Variants in DAPK1 observed in about 807,000 individuals in gnomAD.
DAPK1 encodes death-associated protein kinase 1.
A neutral mutation model predicts 144.9 loss-of-function variants in DAPK1; 56 were observed. The ratio of observed to expected loss-of-function variants is 0.39; its 90% confidence interval spans 0.31 to 0.48. DAPK1 has a LOEUF of 0.48. DAPK1 is among the 20% of genes least tolerant of loss of function. The probability of loss-of-function intolerance (pLI) is 0.95; values close to 1 mark genes in which losing one functional copy is unlikely to be tolerated. For synonymous variants in DAPK1, 690 were observed against 749.0 expected (o/e 0.92, Z 1.29); for missense variants, 1,454 against 1,875.4 (o/e 0.78, Z 4.15).
At chr9:87,536,979 T>C (rs945838400) in intron 2 of DAPK1, among the ~76,000 whole-genome samples, 1 of 151,850 alleles carries the variant, frequency 6.6e-6, no homozygotes, top group African/African-American at 2.4e-5. Context: ...ATTGGAGACA[T>C]GAAGTTTTCT....
At chr9:87,688,204 T>C (rs1223538611) in intron 21 of DAPK1, among the ~76,000 whole-genome samples, 1 of 152,112 alleles carries the variant, frequency 6.6e-6, no homozygotes, top group Non-Finnish European at 1.5e-5. Context: ...TGGTTTTCTG[T>C]TCCTGTGTTA....
At position 87,575,396 on chromosome 9, in the gene DAPK1, A is replaced by G. The variant is rs1010058498; in HGVS notation, c.63-29558A>G. Among the ~76,000 whole-genome samples, 3 of 152,318 alleles carry G rather than the reference A, an allele frequency of 2.0e-5. 1 individual carries two copies. Among genetic ancestry groups the G allele is most frequent in the Middle Eastern group, 6.8e-3 (2 of 294 alleles). ...TCACAATAACAATCACAGCAGGAGT[A>G]GAAAAATGGGCCTCGCCTCAGCACC... On this transcript the variant is annotated intron_variant, in intron 2 of 25. Transcript: ENST00000408954.
chr9:87,606,063 C>CAGCCTCTTGAATTCAGATTT (rs1289587067), intron 3 of DAPK1, among the ~76,000 whole-genome samples: 1 of 152,240 alleles, frequency 6.6e-6, no homozygotes, highest in African/African-American at 2.4e-5. Flanking sequence ...CCATTGAATT[C>CAGCCTCTTGAATTCAGATTT]AGCCTCTTGA....
chr9:87,628,018 T>C lies in DAPK1; in HGVS notation c.285-9925T>C, dbSNP rs146387128. Among the ~76,000 whole-genome samples, 270 of 152,338 alleles carry C rather than the reference T, an allele frequency of 1.8e-3. 1 individual carries two copies. Among genetic ancestry groups the C allele is most frequent in the Admixed American group, 3.1e-3 (47 of 15,302 alleles). On this transcript the variant is annotated intron_variant, in intron 3 of 25. Transcript: ENST00000408954. ...ACCTCTCTGAGGACACAGAGCCCGA[T>C]GCAAACCAGGCTACTGCCTGCAGTG...
At chr9:87,668,897 A>G (rs1831156351) in intron 19 of DAPK1, 1 of 512,612 alleles carries the variant, frequency 2.0e-6, no homozygotes, top group Non-Finnish European at 3.5e-6. Flanking sequence ...GCATGTTTGC[A>G]GTTGCCGTGC....
At chr9:87,621,317 T>C (rs1460542158) in intron 3 of DAPK1, among the ~76,000 whole-genome samples, 1 of 152,210 alleles carries the variant, frequency 6.6e-6, no homozygotes, top group Non-Finnish European at 1.5e-5. Flanking sequence ...GAGAGGCCTG[T>C]GCCTCTACAC....
intron 19 of DAPK1, among the ~76,000 whole-genome samples, chr9:87,670,683 C>T (rs151207642): frequency 6.6e-6 from 1 of 152,292 alleles, no homozygotes; most frequent in Non-Finnish European, 1.5e-5. Flanking sequence ...CCAGCACTTC[C>T]ACCACTACCG....
intron 2 of DAPK1, among the ~76,000 whole-genome samples, chr9:87,599,522 G>A (rs1286663483): frequency 5.3e-5 from 8 of 152,082 alleles, no homozygotes; most frequent in Non-Finnish European, 5.9e-5. Context: ...TTTGAATCAA[G>A]TTTTTTAATA....
At chr9:87,573,418 C>G (rs904727653) in intron 2 of DAPK1, among the ~76,000 whole-genome samples, 1 of 152,188 alleles carries the variant, frequency 6.6e-6, no homozygotes, top group Non-Finnish European at 1.5e-5. Flanking sequence ...GCTTTCTGTT[C>G]ATTGCACACA....
intron 2 of DAPK1, among the ~76,000 whole-genome samples, chr9:87,520,369 G>GA (rs1405863201): frequency 6.6e-6 from 1 of 152,188 alleles, no homozygotes. Context: ...GTGAGGCTGT[G>GA]AAAGGACCTT....
Position 87,686,722 on chromosome 9 carries a change from A to G in DAPK1, c.2396A>G (p.Gln799Arg), listed in dbSNP as rs1476881996. 1 of 1,612,728 alleles carries G rather than the reference A, an allele frequency of 6.2e-7. No individual in the cohort carries two copies. The highest frequency in any genetic ancestry group is 1.7e-5 in the Admixed American group (1 of 59,970). Residue 799 changes from glutamine to arginine, a missense_variant, in exon 21 of 26, where the codon CAG becomes CGG. Around this residue, in one of 2 missense-constraint regions of DAPK1, gnomAD observed 1,025 missense variants for 1,237.9 expected, o/e 0.83. Transcript: ENST00000408954. The surrounding 1 kb of genome is among the most constrained non-coding windows in gnomAD (Gnocchi z 4.2). ...DDQSTKAIDI[Q>R]NAYLNGVGDF... Reference sequence around the variant, plus strand: ...CAGTCCACCAAGGCCATCGACATCCAGAACGCTTATTTGAATGGTATGCCC... The same window carrying G: ...CAGTCCACCAAGGCCATCGACATCCGGAACGCTTATTTGAATGGTATGCCC...
chr9:87,563,078 C>A (rs553838948), intron 2 of DAPK1, among the ~76,000 whole-genome samples: 1 of 152,110 alleles, frequency 6.6e-6, no homozygotes, highest in Non-Finnish European at 1.5e-5. Flanking sequence ...ATCTTGGGCC[C>A]CTCTTTGTGA....
chr9:87,647,487 G>C, intron 14 of DAPK1, 84 bp downstream of exon 14: 1 of 1,118,536 alleles, frequency 8.9e-7, no homozygotes, highest in Non-Finnish European at 1.4e-6. Context: ...CGTGTGCATC[G>C]GGACCCAAAG....
intron 2 of DAPK1, among the ~76,000 whole-genome samples, chr9:87,509,172 G>A (rs759234375): frequency 3.3e-5 from 5 of 152,172 alleles, no homozygotes; most frequent in Non-Finnish European, 5.9e-5. Context: ...GCAGGTATAC[G>A]TATCCTGTAG....
At chr9:87,630,849 G>A (rs1008595077) in intron 3 of DAPK1, among the ~76,000 whole-genome samples, 1 of 152,072 alleles carries the variant, frequency 6.6e-6, no homozygotes, top group African/African-American at 2.4e-5. Flanking sequence ...GCAGATTCTG[G>A]GGCCTCACTC....
At chr9:87,628,473 C>T (rs768994240) in intron 3 of DAPK1, among the ~76,000 whole-genome samples, 6 of 152,212 alleles carry the variant, frequency 3.9e-5, no homozygotes, top group Non-Finnish European at 7.3e-5. Context: ...TGTGTTCCTT[C>T]TTCCCCTTCC....
chr9:87,665,294 C>T lies in DAPK1; in HGVS notation c.1924-3303C>T, dbSNP rs146680174. On this transcript the variant is annotated intron_variant, in intron 18 of 25. Transcript: ENST00000408954. ...TGTATCCATAGCCCTGTGCATAATACGCACTCAGTAAATACCTGCTAGATG... is the reference window on the plus strand; with the variant it reads ...TGTATCCATAGCCCTGTGCATAATATGCACTCAGTAAATACCTGCTAGATG... Among the ~76,000 whole-genome samples, 787 of 152,136 alleles carry T rather than the reference C, an allele frequency of 5.2e-3. 4 individuals carry two copies. Among genetic ancestry groups the T allele is most frequent in the Non-Finnish European group, 7.8e-3 (528 of 68,026 alleles).
intron 2 of DAPK1, among the ~76,000 whole-genome samples, chr9:87,603,037 C>T (rs1317806305): frequency 6.6e-6 from 1 of 151,740 alleles, no homozygotes; most frequent in Non-Finnish European, 1.5e-5. Context: ...TTGCTTTGGC[C>T]ATGTGTGAGG....
At chr9:87,578,182 A>G (rs1233426541) in intron 2 of DAPK1, among the ~76,000 whole-genome samples, 1 of 152,224 alleles carries the variant, frequency 6.6e-6, no homozygotes, top group Admixed American at 6.5e-5. Context: ...GAAAGATCCC[A>G]TTAAATGTTA....
Sources: allele counts gnomAD v4.1 joint callset (sites outside exome capture counted in the v4.1 genomes callset), GRCh38; gene constraint gnomAD v4.1.1; regional missense constraint gnomAD v4.1.1; non-coding constraint Gnocchi (gnomAD v3.1); transcripts MANE v1.5; gene names NCBI Gene and HGNC (gene_info 2026-07-23, HGNC 2026-07-21).